ACSS3: variants seen among roughly 807,000 people sequenced by gnomAD.
ACSS3 encodes acyl-CoA synthetase short chain family member 3.
Under a neutral mutation model 84.2 loss-of-function variants are expected in ACSS3, and 64 were observed. The ratio of observed to expected loss-of-function variants is 0.76; its 90% CI spans 0.62 to 0.94. The LOEUF (loss-of-function observed/expected upper bound fraction) is 0.94, where lower values mean the gene tolerates loss of function less well. ACSS3 is among the 40% of genes least tolerant of loss of function. The probability of loss-of-function intolerance (pLI) is 0.00; values close to 1 mark genes in which losing one functional copy is unlikely to be tolerated. For synonymous variants in ACSS3, 317 were observed against 310.1 expected (o/e 1.02, Z -0.23); for missense variants, 815 against 867.6 (o/e 0.94, Z 0.76).
intron 10 of ACSS3, among the ~76,000 whole-genome samples, chr12:81,217,666 A>G (rs2032969424): frequency 6.6e-6 from 1 of 152,026 alleles, no homozygotes; most frequent in Non-Finnish European, 1.5e-5. Context: ...AACATGGTGA[A>G]ACCTCGTCTC....
chr12:81,238,123 G>C (rs987024158), intron 13 of ACSS3, among the ~76,000 whole-genome samples: 1 of 151,640 alleles, frequency 6.6e-6, no homozygotes, highest in Non-Finnish European at 1.5e-5. Context: ...ATATGATCAT[G>C]TAATTTTTCT....
chr12:81,168,489 A>G lies in ACSS3; in HGVS notation c.1099-6299A>G, dbSNP rs79512652. Reference sequence around the variant, plus strand: ...TCAGGAACTCCGTATCTATGAAATTAACATATAATCTTCTCAAGTAGTGAT... The same window carrying G: ...TCAGGAACTCCGTATCTATGAAATTGACATATAATCTTCTCAAGTAGTGAT... On this transcript the variant is annotated intron_variant, in intron 7 of 15. Coordinates refer to ENST00000548058, the MANE Select transcript of ACSS3 (RefSeq NM_024560.4). Among the ~76,000 whole-genome samples, 51 of 152,338 alleles carry G rather than the reference A, an allele frequency of 3.3e-4. No homozygotes were observed. The East Asian group carries it at 9.8e-3, about 29-fold the overall frequency.
At chr12:81,210,370 G>T (rs1289183064) in intron 9 of ACSS3, among the ~76,000 whole-genome samples, 2 of 152,106 alleles carry the variant, frequency 1.3e-5, no homozygotes, top group Non-Finnish European at 2.9e-5. Flanking sequence ...ATAACTCTTG[G>T]ATTCCATCAA....
chr12:81,184,498 T>C (rs1465808019), intron 8 of ACSS3, among the ~76,000 whole-genome samples: 1 of 151,650 alleles, frequency 6.6e-6, no homozygotes, highest in East Asian at 1.9e-4. Flanking sequence ...AAAACTAAAG[T>C]TCACTTTTTG....
chr12:81,096,968 GTTTAA>G (rs1468062945), intron 1 of ACSS3, among the ~76,000 whole-genome samples: 1 of 152,106 alleles, frequency 6.6e-6, no homozygotes, highest in African/African-American at 2.4e-5. Flanking sequence ...ATTTAAAGTT[GTTTAA>G]TTTAATTAAA....
chr12:81,226,496 T>A (rs1353665004), intron 11 of ACSS3, among the ~76,000 whole-genome samples: 1 of 151,894 alleles, frequency 6.6e-6, no homozygotes, highest in African/African-American at 2.4e-5. Context: ...ATCTGTCTTC[T>A]GATTTCAGAC....
At chr12:81,082,216 C>G (rs923742442) in intron 1 of ACSS3, among the ~76,000 whole-genome samples, 7 of 152,216 alleles carry the variant, frequency 4.6e-5, no homozygotes, top group Non-Finnish European at 1.0e-4. Context: ...GGCCTCCTCT[C>G]TCCTTCCTTG....
At chr12:81,142,204 T>G (rs1886126601) in intron 4 of ACSS3, among the ~76,000 whole-genome samples, 1 of 152,190 alleles carries the variant, frequency 6.6e-6, no homozygotes, top group Non-Finnish European at 1.5e-5. Context: ...TTTCATTGAG[T>G]GTTATATAAC....
chr12:81,243,841 A>G (rs922897690), intron 13 of ACSS3, among the ~76,000 whole-genome samples: 36 of 152,264 alleles, frequency 2.4e-4, no homozygotes, highest in African/African-American at 8.4e-4. Context: ...CATTGTTGCT[A>G]TTATTATTTT....
At chr12:81,144,754 A>AG (rs1167264921) in intron 5 of ACSS3, among the ~76,000 whole-genome samples, 1 of 152,182 alleles carries the variant, frequency 6.6e-6, no homozygotes, top group Non-Finnish European at 1.5e-5. Flanking sequence ...ATCTTATGGG[A>AG]GGGGCAGAAG....
In ACSS3 at chr12:81,243,511, TTA is replaced by T. The variant is rs201547468; in HGVS notation, c.1720-9795_1720-9794del. On this transcript the variant is annotated intron_variant, in intron 13 of 15. Transcript: ENST00000548058. ...CTTCACAGAATTGGAAAAAACTACT[TTA>T]AAGTTCATATGGAACCAAAAAAGAG... 4.0e-3 allele frequency among the ~76,000 whole-genome samples: 611 copies of T among 152,210 alleles called. 3 individuals carry two copies. Among genetic ancestry groups the T allele is most frequent in the African/African-American group, 0.014 (572 of 41,522 alleles).
At chr12:81,209,310 T>G (rs78795206) in intron 9 of ACSS3, among the ~76,000 whole-genome samples, 1 of 152,108 alleles carries the variant, frequency 6.6e-6, no homozygotes, top group Non-Finnish European at 1.5e-5. Context: ...CACTTTTTTT[T>G]TGAGACTTGC....
At chr12:81,210,722 A>T (rs1228612210) in intron 9 of ACSS3, among the ~76,000 whole-genome samples, 1 of 152,030 alleles carries the variant, frequency 6.6e-6, no homozygotes, top group Non-Finnish European at 1.5e-5. Context: ...ACAGGAAAAA[A>T]CTCAGAAACA....
intron 6 of ACSS3, 36 bp from the exon 7 acceptor site, chr12:81,151,965 A>C: frequency 1.2e-6 from 2 of 1,612,612 alleles, no homozygotes; most frequent in Non-Finnish European, 1.7e-6. Flanking sequence ...ACATTCTCTG[A>C]ATAAAATATA....
rs140404497 is a variant in ACSS3, at chr12:81,245,394, G to A, written c.1720-7913G>A. Among the ~76,000 whole-genome samples, 369 of 152,290 alleles carry A rather than the reference G, an allele frequency of 2.4e-3. 1 individual carries two copies. Among genetic ancestry groups the A allele is most frequent in the East Asian group, 9.7e-3 (50 of 5,172 alleles). On this transcript the variant is annotated intron_variant, in intron 13 of 15. Transcript: ENST00000548058. ...GGAGAATGGCGTGAACCCGCAAGGC[G>A]GAGCTTGCAGTGAGCTGAGATCGCG...
At chr12:81,203,739 C>A (rs2032214323) in intron 9 of ACSS3, among the ~76,000 whole-genome samples, 1 of 152,106 alleles carries the variant, frequency 6.6e-6, no homozygotes, top group South Asian at 2.1e-4. Context: ...TTGGTCTTGT[C>A]AAGTTTAGAG....
chr12:81,077,942 T>C, upstream of ACSS3: 1 of 689,708 alleles, frequency 1.4e-6, no homozygotes, highest in South Asian at 2.6e-5. Context: ...CTTTAGCCTG[T>C]TGCTTCTCTG....
intron 9 of ACSS3, among the ~76,000 whole-genome samples, chr12:81,205,846 T>A (rs2032323194): frequency 6.6e-6 from 1 of 152,164 alleles, no homozygotes; most frequent in African/African-American, 2.4e-5. Flanking sequence ...TTACACTTTT[T>A]AAAACGTTTC....
At chr12:81,152,117 C>T in intron 7 of ACSS3, 21 bp downstream of exon 7, 1 of 1,564,776 alleles carries the variant, frequency 6.4e-7, no homozygotes, top group Non-Finnish European at 8.8e-7. Flanking sequence ...AAAGTTAATA[C>T]CACATATAAA....
Sources: allele counts gnomAD v4.1 joint callset (sites outside exome capture counted in the v4.1 genomes callset), GRCh38; gene constraint gnomAD v4.1.1; transcripts MANE v1.5; gene names NCBI Gene and HGNC (gene_info 2026-07-23, HGNC 2026-07-21).